Variants in PBRM1 observed in about 807,000 individuals in gnomAD.
The protein encoded by PBRM1 is protein polybromo-1.
A neutral mutation model predicts 194.5 loss-of-function variants in PBRM1; 27 were observed. That is an observed-to-expected ratio of 0.14 (90% CI 0.10 to 0.19). PBRM1 has a LOEUF of 0.19. Ranked by LOEUF, PBRM1 falls within the 10% of genes least tolerant of loss-of-function variation. The pLI, the probability that PBRM1 is intolerant of heterozygous loss-of-function variation, is 1.00. For synonymous variants in PBRM1, 655 were observed against 693.2 expected (o/e 0.94, Z 0.87); for missense variants, 1,466 against 2,077.2 (o/e 0.71, Z 5.72).
chr3:52,571,323 CAAA>C (rs34396226), intron 22 of PBRM1, among the ~76,000 whole-genome samples: 6 of 88,370 alleles, frequency 6.8e-5, no homozygotes, highest in Admixed American at 1.2e-4. Flanking sequence ...ACACTGTCTC[CAAA>C]AAAAAAAAAA....
intron 19 of PBRM1, 31 bp downstream of exon 21, chr3:52,587,322 G>A: frequency 1.3e-6 from 2 of 1,503,598 alleles, no homozygotes; most frequent in South Asian, 1.2e-5. Context: ...TAGGGAATGA[G>A]TGAGACTTTG....
At chr3:52,658,344 T>A in intron 4 of PBRM1, 29 bp from the exon 6 acceptor site, 1 of 1,123,000 alleles carries the variant, frequency 8.9e-7, no homozygotes, top group South Asian at 1.3e-5. Flanking sequence ...AAGTACTTTC[T>A]AAGAGAAATA....
exon 13 of PBRM1, chr3:52,627,336 A>G (rs1376740803): frequency 1.9e-6 from 3 of 1,613,644 alleles, no homozygotes; most frequent in South Asian, 2.2e-5. Flanking sequence ...TCCGTCCTCG[A>G]TATCGTCTCT....
chr3:52,554,010 G>A (rs903011822), intron 27 of PBRM1, among the ~76,000 whole-genome samples: 2 of 152,118 alleles, frequency 1.3e-5, no homozygotes, highest in Non-Finnish European at 2.9e-5. Context: ...AGGTTGCCCA[G>A]GCTGGTCTTG....
chr3:52,631,770 T>A (rs2095626392), intron 11 of PBRM1, among the ~76,000 whole-genome samples: 1 of 152,234 alleles, frequency 6.6e-6, no homozygotes, highest in Non-Finnish European at 1.5e-5. Context: ...ACTATTTTTC[T>A]GTTCTTTATA....
At chr3:52,681,752 A>C (rs1004462217), upstream of PBRM1, 1 of 1,015,898 alleles carries the variant, frequency 9.8e-7, no homozygotes, top group Non-Finnish European at 1.2e-6. Flanking sequence ...TTATGTCTGA[A>C]AGCCAAGTGA....
At chr3:52,595,548 T>G (rs759053885) in intron 17 of PBRM1, among the ~76,000 whole-genome samples, 3 of 152,188 alleles carry the variant, frequency 2.0e-5, no homozygotes, top group African/African-American at 7.2e-5. Context: ...TCTTAAGGAG[T>G]TGAGTTCCTC....
intron 11 of PBRM1, among the ~76,000 whole-genome samples, chr3:52,632,887 T>C (rs1179060519): frequency 6.6e-6 from 1 of 151,926 alleles, no homozygotes; most frequent in Admixed American, 6.6e-5. Context: ...GGAGACGGGG[T>C]TTCACAATGT....
intron 7 of PBRM1, 149 bp downstream of exon 8, chr3:52,648,195 C>A (rs1057150146): frequency 3.7e-5 from 20 of 541,832 alleles, no homozygotes; most frequent in Non-Finnish European, 6.1e-5. Flanking sequence ...GCGTGAGCCA[C>A]TGCGCCCAGC....
chr3:52,614,373 CAAAAAAAAA>C (rs1165930996), intron 15 of PBRM1, among the ~76,000 whole-genome samples: 13 of 40,922 alleles, frequency 3.2e-4, no homozygotes, highest in Admixed American at 4.4e-4. Flanking sequence ...GATGCTTCAT[CAAAAAAAAA>C]AAAAAAAAAA....
intron 12 of PBRM1, among the ~76,000 whole-genome samples, chr3:52,627,841 C>G (rs1335323079): frequency 6.6e-6 from 1 of 152,212 alleles, no homozygotes; most frequent in Non-Finnish European, 1.5e-5. Context: ...AGTCCAAGCA[C>G]AGCAGGCTTA....
At chr3:52,610,542 T>G (rs1469265364) in intron 15 of PBRM1, among the ~76,000 whole-genome samples, 1 of 152,196 alleles carries the variant, frequency 6.6e-6, no homozygotes, top group African/African-American at 2.4e-5. Flanking sequence ...ATGAAAAAGG[T>G]AGGGCTCCTT....
intron 7 of PBRM1, among the ~76,000 whole-genome samples, chr3:52,647,429 GAAAAAAAAAAAAAAAA>G (rs71637569): frequency 6.7e-5 from 3 of 44,488 alleles, no homozygotes; most frequent in African/African-American, 8.7e-5. Context: ...GTATCAAAGA[GAAAAAAAAAAAAAAAA>G]AAAAAAAAAA....
At chr3:52,638,864 G>A (rs1469565661) in intron 10 of PBRM1, among the ~76,000 whole-genome samples, 4 of 151,860 alleles carry the variant, frequency 2.6e-5, no homozygotes, top group Non-Finnish European at 5.9e-5. Context: ...CTCCCAAAGT[G>A]TTGGGATTAC....
At chr3:52,579,666 C>T (rs966830199) in intron 20 of PBRM1, among the ~76,000 whole-genome samples, 2 of 151,510 alleles carry the variant, frequency 1.3e-5, no homozygotes, top group African/African-American at 4.9e-5. Context: ...GGCTAGGAAA[C>T]AAAACAATTA....
At chr3:52,610,905 C>G (rs529112639) in intron 15 of PBRM1, among the ~76,000 whole-genome samples, 1 of 152,286 alleles carries the variant, frequency 6.6e-6, no homozygotes, top group South Asian at 2.1e-4. Flanking sequence ...AGCCATTACA[C>G]TCTAGCCTGG....
intron 21 of PBRM1, among the ~76,000 whole-genome samples, chr3:52,578,230 C>T (rs2090195924): frequency 6.6e-6 from 1 of 152,144 alleles, no homozygotes; most frequent in Non-Finnish European, 1.5e-5. Context: ...ATTTTTTCTA[C>T]GGCACGTATC....
intron 22 of PBRM1, among the ~76,000 whole-genome samples, chr3:52,567,596 AGAAAAAT>A (rs2085703939): frequency 6.6e-6 from 1 of 150,858 alleles, no homozygotes; most frequent in Admixed American, 6.6e-5. Flanking sequence ...AAAGAAAAAA[AGAAAAAT>A]GAAAAAGAAA....
chr3:52,647,116 C>T (rs144248637), intron 7 of PBRM1, among the ~76,000 whole-genome samples: 51 of 151,984 alleles, frequency 3.4e-4, no homozygotes, highest in African/African-American at 1.2e-3. Context: ...TCTCTAAAGA[C>T]GTATGAATGA....
Sources: gnomAD v4.1 joint callset for allele counts (sites outside exome capture counted in the v4.1 genomes callset) on GRCh38, gnomAD v4.1.1 for gene constraint, MANE v1.5 for transcripts, NCBI Gene and HGNC (gene_info 2026-07-23, HGNC 2026-07-21) for gene names.